Variants in LIN9 observed in about 807,000 individuals in gnomAD.
The protein encoded by LIN9 is lin-9 DREAM MuvB core complex component.
A neutral mutation model predicts 78.0 loss-of-function variants in LIN9; 18 were observed. The observed-to-expected ratio is 0.23, with a 90% CI of 0.16 to 0.34. LIN9 has a LOEUF of 0.34. Ranked by LOEUF, LIN9 falls within the 10% of genes least tolerant of loss-of-function variation. LIN9 has a pLI of 1.00. For missense variants in LIN9, 451 were observed against 644.1 expected (o/e 0.70, Z 3.25); for synonymous variants, 192 against 215.2 (o/e 0.89, Z 0.94).
At chr1:226,309,178 C>T (rs553634329), upstream of LIN9, 3 of 1,414,762 alleles carry the variant, frequency 2.1e-6, no homozygotes, top group East Asian at 8.2e-5. Context: ...GGCTGCCCGC[C>T]GCGGTGCATT....
At chr1:226,256,942 T>A (rs1332048603) in intron 10 of LIN9, among the ~76,000 whole-genome samples, 1 of 151,692 alleles carries the variant, frequency 6.6e-6, no homozygotes, top group Non-Finnish European at 1.5e-5. Context: ...TAGGACTGCC[T>A]TGTAAGAAAT....
chr1:226,252,318 A>AATGAATG (rs1558164422), intron 10 of LIN9, among the ~76,000 whole-genome samples: 3 of 135,918 alleles, frequency 2.2e-5, no homozygotes, highest in East Asian at 2.4e-4. Context: ...ATAAATAAAT[A>AATGAATG]AATGAATGAA....
At chr1:226,244,039 C>G (rs1456214854) in intron 11 of LIN9, among the ~76,000 whole-genome samples, 3 of 151,456 alleles carry the variant, frequency 2.0e-5, no homozygotes, top group African/African-American at 7.3e-5. Context: ...CTGCGCCGGG[C>G]TAAGTTTTGT....
At chr1:226,276,760 C>T (rs1660691665) in intron 7 of LIN9, among the ~76,000 whole-genome samples, 1 of 152,114 alleles carries the variant, frequency 6.6e-6, no homozygotes, top group Non-Finnish European at 1.5e-5. Flanking sequence ...TCTTGTATTA[C>T]ATATATTGTA....
chr1:226,287,981 C>CT (rs368027452), intron 4 of LIN9, among the ~76,000 whole-genome samples, 184 bp from the exon 5 acceptor site: 4,972 of 144,436 alleles, frequency 0.034, 247 homozygotes, highest in African/African-American at 0.11. Flanking sequence ...TGATTATTGC[C>CT]TTTTTTTTTT....
At chr1:226,242,570 T>C (rs539966901) in intron 11 of LIN9, among the ~76,000 whole-genome samples, 20 of 152,186 alleles carry the variant, frequency 1.3e-4, no homozygotes, top group Non-Finnish European at 2.1e-4. Flanking sequence ...AGGAACAGGC[T>C]GATATAGAGC....
intron 10 of LIN9, among the ~76,000 whole-genome samples, chr1:226,256,721 G>A (rs972987841): frequency 6.6e-6 from 1 of 151,388 alleles, no homozygotes. Context: ...ACCATGCCCA[G>A]CTAATTTTTT....
intron 4 of LIN9, among the ~76,000 whole-genome samples, chr1:226,290,514 G>A (rs1661701239): frequency 6.6e-6 from 1 of 150,598 alleles, no homozygotes; most frequent in African/African-American, 2.4e-5. Flanking sequence ...CTAATTTTTT[G>A]TATTTTTTGT....
intron 5 of LIN9, among the ~76,000 whole-genome samples, chr1:226,287,305 A>C (rs920933900): frequency 6.6e-5 from 10 of 152,194 alleles, no homozygotes; most frequent in African/African-American, 2.4e-4. Context: ...TTTTACCATT[A>C]GTAATGGTTT....
At chr1:226,242,700 A>C in intron 11 of LIN9, among the ~76,000 whole-genome samples, 1 of 152,022 alleles carries the variant, frequency 6.6e-6, no homozygotes, top group East Asian at 1.9e-4. Flanking sequence ...AGACTTTTTC[A>C]AAAGTTACAG....
chr1:226,239,183 TA>T (rs1657937729), intron 11 of LIN9, 87 bp from the exon 12 acceptor site: 1 of 1,378,192 alleles, frequency 7.3e-7, no homozygotes, highest in East Asian at 2.3e-5. Context: ...TTGACTTATC[TA>T]AAAAGCAAAC....
intron 1 of LIN9, among the ~76,000 whole-genome samples, chr1:226,303,799 G>T (rs1415272096): frequency 6.6e-6 from 1 of 152,166 alleles, no homozygotes; most frequent in Non-Finnish European, 1.5e-5. Flanking sequence ...TAGAGACAGG[G>T]TTTCGCCATG....
At chr1:226,264,301 C>T (rs557080573) in intron 10 of LIN9, among the ~76,000 whole-genome samples, 8 of 151,960 alleles carry the variant, frequency 5.3e-5, no homozygotes, top group African/African-American at 1.4e-4. Context: ...CACTGGAACC[C>T]GGGAGGTAGA....
intron 6 of LIN9, among the ~76,000 whole-genome samples, chr1:226,279,354 G>A (rs1293146364): frequency 6.6e-6 from 1 of 151,578 alleles, no homozygotes; most frequent in Non-Finnish European, 1.5e-5. Flanking sequence ...AGCTACTTGG[G>A]AGGCTGAGGC....
intron 7 of LIN9, among the ~76,000 whole-genome samples, chr1:226,275,215 A>G (rs997291442): frequency 4.3e-4 from 65 of 152,226 alleles, no homozygotes; most frequent in African/African-American, 1.4e-3. Flanking sequence ...TGAACTTGAT[A>G]TAATTTCCAT....
At chr1:226,256,376 A>T (rs1659195094) in intron 10 of LIN9, among the ~76,000 whole-genome samples, 1 of 151,910 alleles carries the variant, frequency 6.6e-6, no homozygotes, top group South Asian at 2.1e-4. Flanking sequence ...TGGCAATCTA[A>T]ACCTCTGCAC....
chr1:226,270,929 TTTTA>T (rs1297983293), intron 7 of LIN9, among the ~76,000 whole-genome samples: 1 of 152,062 alleles, frequency 6.6e-6, no homozygotes, highest in African/African-American at 2.4e-5. Flanking sequence ...ATAAAATCTT[TTTTA>T]TTTCTTTTCC....
At chr1:226,292,774 T>C (rs1235661899) in intron 4 of LIN9, among the ~76,000 whole-genome samples, 1 of 152,218 alleles carries the variant, frequency 6.6e-6, no homozygotes, top group East Asian at 1.9e-4. Flanking sequence ...GATTTGTATA[T>C]GTAAAGTCTA....
chr1:226,282,592 G>A (rs1481426797), intron 6 of LIN9, among the ~76,000 whole-genome samples: 2 of 152,098 alleles, frequency 1.3e-5, no homozygotes, highest in African/African-American at 4.8e-5. Flanking sequence ...AGGCCGAGGC[G>A]GGCAGATCAC....
Sources: allele counts gnomAD v4.1 joint callset (sites outside exome capture counted in the v4.1 genomes callset), GRCh38; gene constraint gnomAD v4.1.1; transcripts MANE v1.5; gene names NCBI Gene and HGNC (gene_info 2026-07-23, HGNC 2026-07-21).